The following SUSD1 variants were observed in gnomAD, a reference collection of about 807,000 sequenced individuals.
The protein encoded by SUSD1 is sushi domain containing 1.
In SUSD1, 65 loss-of-function variants were observed where a neutral mutation model predicts 86.9. That is an observed-to-expected ratio of 0.75 (90% CI 0.61 to 0.92). The LOEUF (loss-of-function observed/expected upper bound fraction) is 0.92. Ranked by LOEUF, SUSD1 falls within the 40% of genes least tolerant of loss-of-function variation. The pLI is 0.00. For missense variants in SUSD1, 850 were observed against 929.7 expected, an observed-to-expected ratio of 0.91 and a Z score of 1.11; for synonymous variants, 346 against 350.0, an observed-to-expected ratio of 0.99 and a Z score of 0.13.
chr9:112,158,533 AG>A (rs1833436370), intron 1 of SUSD1, among the ~76,000 whole-genome samples: 1 of 152,044 alleles, frequency 6.6e-6, no homozygotes, highest in South Asian at 2.1e-4. Flanking sequence ...CTGGGACTAC[AG>A]GCGCACACCA....
At chr9:112,158,110 C>G (rs533438156) in intron 1 of SUSD1, among the ~76,000 whole-genome samples, 9 of 152,206 alleles carry the variant, frequency 5.9e-5, no homozygotes, top group African/African-American at 2.2e-4. Flanking sequence ...AGGCGTGAGC[C>G]ACCGAGCTAG....
chr9:112,044,194 G>C (rs1827860988), intron 15 of SUSD1, among the ~76,000 whole-genome samples: 1 of 152,220 alleles, frequency 6.6e-6, no homozygotes. Context: ...TTGCAAGACA[G>C]TAAAACAGTG....
intron 15 of SUSD1, among the ~76,000 whole-genome samples, chr9:112,045,093 CAG>C (rs1232216447): frequency 1.3e-5 from 2 of 152,176 alleles, no homozygotes; most frequent in Non-Finnish European, 2.9e-5. Flanking sequence ...GTGCATGACT[CAG>C]AAACATTTTT....
chr9:112,165,946 A>AAAGAAAGAAAGG lies in SUSD1; in HGVS notation c.104-8334_104-8333insCCTTTCTTTCTT, dbSNP rs1479403648. On this transcript the variant is annotated intron_variant, in intron 1 of 16. Coordinates refer to ENST00000374270, the MANE Select transcript of SUSD1 (RefSeq NM_022486.5). ...GAAAAGAAAGAAAGAAAGAAAGAAG[A>AAAGAAAGAAAGG]AAGAAAGAAAGAAAGAAAGAAAGAA... Among the ~76,000 whole-genome samples the AAAGAAAGAAAGG allele has an allele frequency of 6.2e-4, 85 of 137,558 alleles. 1 individual carries two copies. Among genetic ancestry groups the AAAGAAAGAAAGG allele is most frequent in the African/African-American group, 2.4e-3 (82 of 34,472 alleles). 90.2% of individuals were successfully genotyped at this position (137,558 alleles called of 152,430 possible). A position where few individuals can be genotyped will look rare whatever the true frequency, so the allele number is the denominator to read the frequency against.
Position 112,080,015 on chromosome 9 carries a change from T to C in SUSD1, c.1566+59A>G, listed in dbSNP as rs919359977. 5.2e-5 allele frequency: 65 copies of C among 1,260,330 alleles called. No homozygotes were observed. The Admixed American group carries it at 9.5e-4, about 18-fold the overall frequency. The allele number at this position is 1,260,330 out of a possible 1,614,324, so 78.1% of individuals were successfully genotyped here. A position where few individuals can be genotyped will look rare whatever the true frequency, so the allele number is the denominator to read the frequency against. ...ATGTAGATTTTTAGGTTTGTGGGTA[T>C]TTTTAAGCCTCCCACATAAGACAAC... On this transcript the variant is annotated intron_variant, in intron 11 of 16. Coordinates refer to ENST00000374270, the MANE Select transcript of SUSD1 (RefSeq NM_022486.5).
chr9:112,164,324 T>C (rs981834068), intron 1 of SUSD1, among the ~76,000 whole-genome samples: 5 of 152,100 alleles, frequency 3.3e-5, no homozygotes, highest in African/African-American at 1.2e-4. Flanking sequence ...TCTAGCTGAG[T>C]CTAATTCACT....
rs1301646788 is a variant in SUSD1 at position 112,165,877 on chromosome 9, GAGAAAGAAAA to G, written c.104-8274_104-8265del. Reference sequence around the variant, plus strand: ...GAGAAGGAAGGAAGGAAGGAAGAAAGAGAAAGAAAAAGAAAGAAAGAAAGGAAGGAAGGAA... The same window carrying G: ...GAGAAGGAAGGAAGGAAGGAAGAAAGAGAAAGAAAGAAAGGAAGGAAGGAA... On this transcript the variant is annotated intron_variant, in intron 1 of 16. Coordinates refer to ENST00000374270, the MANE Select transcript of SUSD1 (RefSeq NM_022486.5). 3.9e-3 allele frequency among the ~76,000 whole-genome samples: 449 copies of G among 113,776 alleles called. 1 individual carries two copies. Among genetic ancestry groups the G allele is most frequent in the Non-Finnish European group, 6.3e-3 (341 of 53,782 alleles). The allele number at this position is 113,776 out of a possible 152,430, so 74.6% of individuals were successfully genotyped here. A position where few individuals can be genotyped will look rare whatever the true frequency, so the allele number is the denominator to read the frequency against.
intron 5 of SUSD1, among the ~76,000 whole-genome samples, chr9:112,128,664 G>A (rs1295905700): frequency 6.6e-6 from 1 of 152,164 alleles, no homozygotes. Flanking sequence ...AAATAGAGTA[G>A]TAGTTAGAAT....
At chr9:112,169,544 A>C (rs1833953275) in intron 1 of SUSD1, 1 of 152,338 alleles carries the variant, frequency 6.6e-6, no homozygotes, top group East Asian at 1.9e-4. Context: ...TCAGGACCAG[A>C]AACCAACCCA....
At chr9:112,046,439 A>G (rs1020854965) in intron 15 of SUSD1, among the ~76,000 whole-genome samples, 38 of 152,186 alleles carry the variant, frequency 2.5e-4, no homozygotes, top group African/African-American at 8.7e-4. Context: ...AAGTCCATTA[A>G]GACTAAACTT....
chr9:112,068,042 C>T (rs1829068585), intron 12 of SUSD1, among the ~76,000 whole-genome samples: 1 of 152,172 alleles, frequency 6.6e-6, no homozygotes, highest in Non-Finnish European at 1.5e-5. Flanking sequence ...CCATTAGCCA[C>T]CTCTGCCGCA....
intron 15 of SUSD1, among the ~76,000 whole-genome samples, chr9:112,045,990 C>G (rs1827939931): frequency 6.6e-6 from 1 of 152,214 alleles, no homozygotes; most frequent in African/African-American, 2.4e-5. Flanking sequence ...GCAGGATCTA[C>G]CTGGGCACAA....
At chr9:112,070,001 T>C (rs1332043954) in intron 12 of SUSD1, among the ~76,000 whole-genome samples, 2 of 152,140 alleles carry the variant, frequency 1.3e-5, no homozygotes, top group Admixed American at 6.6e-5. Context: ...TGTTTTTGTT[T>C]TTGTTTTTGC....
rs1196739624 is a variant in SUSD1, at chr9:112,051,428, T to G, written c.2149+971A>C. On this transcript the variant is annotated intron_variant, in intron 15 of 16. Transcript: ENST00000374270. Reference sequence around the variant, plus strand: ...CTTTTCTTTTTTTTTTTTTTTTTTTTTTTTTGTTGTTGTTGTTGTTGAGAT... The same window carrying G: ...CTTTTCTTTTTTTTTTTTTTTTTTTGTTTTTGTTGTTGTTGTTGTTGAGAT... Among the ~76,000 whole-genome samples, 29 of 120,464 alleles carry G rather than the reference T, an allele frequency of 2.4e-4. 1 individual carries two copies. In the South Asian group the frequency reaches 4.0e-3, roughly 16 times the overall value. 79.0% of individuals were successfully genotyped at this position (120,464 alleles called of 152,430 possible). A position where few individuals can be genotyped will look rare whatever the true frequency, so the allele number is the denominator to read the frequency against.
At chr9:112,148,331 C>T (rs1221042641) in intron 3 of SUSD1, among the ~76,000 whole-genome samples, 1 of 152,014 alleles carries the variant, frequency 6.6e-6, no homozygotes, top group African/African-American at 2.4e-5. Flanking sequence ...AGGGTTTGTC[C>T]CCACCCTGTA....
chr9:112,104,914 G>A (rs1830774905), intron 8 of SUSD1: 2 of 152,246 alleles, frequency 1.3e-5, no homozygotes, highest in Non-Finnish European at 2.9e-5. Flanking sequence ...GGCAAAGAAT[G>A]AGCATATTTA....
At chr9:112,094,570 A>AT (rs1265734520) in intron 10 of SUSD1, among the ~76,000 whole-genome samples, 1 of 152,140 alleles carries the variant, frequency 6.6e-6, no homozygotes, top group Admixed American at 6.5e-5. Flanking sequence ...TAGAAATGAG[A>AT]TTTTCCCCAT....
chr9:112,069,794 C>T (rs1219659316), intron 12 of SUSD1, among the ~76,000 whole-genome samples: 1 of 150,128 alleles, frequency 6.7e-6, no homozygotes, highest in Non-Finnish European at 1.5e-5. Context: ...ACAAAGTACT[C>T]ACTGAGCTCA....
In SUSD1 at chr9:112,123,232, C is replaced by T. The variant is rs568052696; in HGVS notation, c.886+1025G>A. On this transcript the variant is annotated intron_variant, in intron 6 of 16. Transcript: ENST00000374270. ...CACCAGCATCTGCTTCAGGTGAGGG[C>T]CCTGGGAAGTTGACAATCGTGGCAG... Among the ~76,000 whole-genome samples, 3 of 152,206 alleles carry T rather than the reference C, an allele frequency of 2.0e-5. No homozygotes were observed. In the East Asian group the frequency reaches 5.8e-4, roughly 29 times the overall value.
Sources: gnomAD v4.1 joint callset for allele counts (sites outside exome capture counted in the v4.1 genomes callset) on GRCh38, gnomAD v4.1.1 for gene constraint, MANE v1.5 for transcripts, NCBI Gene and HGNC (gene_info 2026-07-23, HGNC 2026-07-21) for gene names.